The following TFB2M variants were observed in gnomAD, a reference collection of about 807,000 sequenced individuals.
TFB2M encodes transcription factor B2, mitochondrial.
In TFB2M, 44 loss-of-function variants were observed where a neutral mutation model predicts 41.3. That is an observed-to-expected ratio of 1.07 (90% confidence interval 0.84 to 1.37). The LOEUF is 1.37. Ranked by LOEUF, TFB2M falls within the 40% of genes most tolerant of loss-of-function variation. TFB2M has a pLI of 0.00. For missense variants in TFB2M, 496 were observed against 490.2 expected (o/e 1.01, Z -0.11); for synonymous variants, 188 against 176.8 (o/e 1.06, Z -0.50).
intron 6 of TFB2M, among the ~76,000 whole-genome samples, chr1:246,546,109 G>A (rs1659010764): frequency 6.6e-6 from 1 of 151,842 alleles, no homozygotes; most frequent in South Asian, 2.1e-4. Context: ...GAGCCCAAGA[G>A]TTAGCGACCA....
At chr1:246,564,934 C>A (rs1027386308) in intron 1 of TFB2M, among the ~76,000 whole-genome samples, 5 of 152,190 alleles carry the variant, frequency 3.3e-5, no homozygotes, top group Admixed American at 3.3e-4. Flanking sequence ...CTCGCCTCGG[C>A]CTCTGAAAGT....
At chr1:246,546,179 T>C (rs1659014784) in intron 6 of TFB2M, among the ~76,000 whole-genome samples, 1 of 151,648 alleles carries the variant, frequency 6.6e-6, no homozygotes, top group African/African-American at 2.4e-5. Context: ...GGGCGTGGGA[T>C]GCACATCTGT....
chr1:246,547,027 A>G (rs1353340113), intron 6 of TFB2M, among the ~76,000 whole-genome samples: 1 of 140,506 alleles, frequency 7.1e-6, no homozygotes, highest in Non-Finnish European at 1.5e-5. Context: ...TCTGTTATCC[A>G]GGCTGGAGTG....
At chr1:246,551,157 A>C in intron 5 of TFB2M, 56 bp downstream of exon 5, 1 of 1,392,362 alleles carries the variant, frequency 7.2e-7, no homozygotes, top group Non-Finnish European at 1.0e-6. Flanking sequence ...CCTGGGCAAC[A>C]TAATGAGACC....
Position 246,558,046 on chromosome 1 carries a change from C to T in TFB2M, c.403-512G>A, listed in dbSNP as rs190191102. On this transcript the variant is annotated intron_variant, in intron 2 of 7. Coordinates refer to ENST00000366514, the MANE Select transcript of TFB2M (RefSeq NM_022366.3). ...TATTACTAACATACCCAAAATTTAACAGAGGAAGTAAAAATCAATTAATAC... is the reference window on the plus strand; with the variant it reads ...TATTACTAACATACCCAAAATTTAATAGAGGAAGTAAAAATCAATTAATAC... Among the ~76,000 whole-genome samples, 590 of 152,062 alleles carry T rather than the reference C, an allele frequency of 3.9e-3. 4 individuals are homozygous for T. Among genetic ancestry groups the T allele is most frequent in the Middle Eastern group, 6.8e-3 (2 of 294 alleles).
chr1:246,555,752 G>A (rs1207272003), intron 4 of TFB2M, among the ~76,000 whole-genome samples: 1 of 151,814 alleles, frequency 6.6e-6, no homozygotes, highest in African/African-American at 2.4e-5. Context: ...GCAACCAAAT[G>A]TCATTGATAC....
In TFB2M at chr1:246,541,136, T is replaced by G. The variant is rs372642297; in HGVS notation, c.1086A>C (p.Val362=). ...MQIGKQEDEK[V]VNMHPQDFKT... ...TGAAGTCTTGAGGGTGCATGTTAAC[T>G]ACTTTCTCATCCTCCTGTTTTCCTA... is the stretch of plus-strand genomic sequence containing the variant. The change falls in exon 8 of 8, where the codon GTA becomes GTC. Residue 362 remains valine, a synonymous_variant. Transcript: ENST00000366514. 1.1e-4 allele frequency: 181 copies of G among 1,614,052 alleles called. No individual in the cohort carries two copies. Among genetic ancestry groups the G allele is most frequent in the Non-Finnish European group, 1.5e-4 (176 of 1,180,008 alleles).
chr1:246,565,093 A>G (rs1326894617), intron 1 of TFB2M, among the ~76,000 whole-genome samples: 1 of 152,224 alleles, frequency 6.6e-6, no homozygotes, highest in Non-Finnish European at 1.5e-5. Context: ...TGCTTTAACC[A>G]TCAAAGAGAT....
intron 2 of TFB2M, among the ~76,000 whole-genome samples, chr1:246,563,432 C>T (rs544834884): frequency 2.0e-5 from 3 of 152,028 alleles, no homozygotes; most frequent in Non-Finnish European, 2.9e-5. Context: ...GGTGAAACCC[C>T]GTCACTACTA....
At chr1:246,555,163 A>C (rs1295214888) in intron 4 of TFB2M, among the ~76,000 whole-genome samples, 1 of 151,850 alleles carries the variant, frequency 6.6e-6, no homozygotes, top group African/African-American at 2.4e-5. Context: ...CCATTAGGAG[A>C]GGTATTACCA....
chr1:246,546,147 TTTACAA>T (rs1222149503), intron 6 of TFB2M, among the ~76,000 whole-genome samples: 12 of 145,426 alleles, frequency 8.3e-5, no homozygotes, highest in African/African-American at 3.0e-4. Context: ...AGACTCCTTC[TTTACAA>T]ACAAACAAAC....
intron 4 of TFB2M, among the ~76,000 whole-genome samples, chr1:246,555,765 C>T (rs1659304496): frequency 6.6e-6 from 1 of 151,230 alleles, no homozygotes; most frequent in Non-Finnish European, 1.5e-5. Context: ...ATTGATACAT[C>T]AACACACAAA....
chr1:246,548,678 C>T (rs1158353750), intron 5 of TFB2M, 71 bp from the exon 6 acceptor site: 2 of 1,385,992 alleles, frequency 1.4e-6, no homozygotes, highest in East Asian at 4.6e-5. Context: ...GTTATTACTT[C>T]CTTAAAAAAC....
chr1:246,557,431 G>T lies in TFB2M; in HGVS notation c.506C>A (p.Ser169Tyr). ...GGVIKPPAMS[S>Y]RGLFKNLGIE... ...TCCCAAATTCTTAAAGAGCCCTCGA[G>T]AAGACATAGCAGGTGGTTTTATTAC... is the stretch of plus-strand genomic sequence containing the variant. The change falls in exon 3 of 8, where the codon TCT (serine) becomes TAT (tyrosine). Residue 169 changes from serine to tyrosine, a missense_variant. Physicochemically the swap from Ser to Tyr is moderately radical, Grantham distance 144. Transcript: ENST00000366514. 1 of 1,613,620 alleles carries T rather than the reference G, an allele frequency of 6.2e-7. No homozygotes were observed. The highest frequency in any genetic ancestry group is 8.5e-7 in the Non-Finnish European group (1 of 1,179,866).
At chr1:246,543,151 C>T (rs950446499) in intron 7 of TFB2M, among the ~76,000 whole-genome samples, 1 of 152,078 alleles carries the variant, frequency 6.6e-6, no homozygotes, top group Non-Finnish European at 1.5e-5. Context: ...GCATGAACCA[C>T]TGCACCCAGG....
chr1:246,563,558 C>T (rs1241062465), intron 2 of TFB2M, among the ~76,000 whole-genome samples: 4 of 151,188 alleles, frequency 2.6e-5, no homozygotes, highest in African/African-American at 4.9e-5. Flanking sequence ...GAGCCGAGAT[C>T]GCACCATTGC....
At chr1:246,554,323 C>T (rs928799143) in intron 4 of TFB2M, among the ~76,000 whole-genome samples, 2 of 152,148 alleles carry the variant, frequency 1.3e-5, no homozygotes, top group Non-Finnish European at 2.9e-5. Context: ...GATACCAGTC[C>T]GTGTCCTGTT....
rs766621389 is a variant in TFB2M at position 246,544,506 on chromosome 1, A to C, written c.1019+15T>G. Reference sequence around the variant, plus strand: ...TCGTTGCTACTTTATACTTGCTTTTATTCTTTTTACTCACCGTAAGTGGTC... The same window carrying C: ...TCGTTGCTACTTTATACTTGCTTTTCTTCTTTTTACTCACCGTAAGTGGTC... On this transcript the variant is annotated intron_variant, in intron 7 of 7. Coordinates refer to ENST00000366514, the MANE Select transcript of TFB2M (RefSeq NM_022366.3). The C allele has an allele frequency of 1.9e-6, 3 of 1,578,738 alleles. No individual in the cohort carries two copies. Among genetic ancestry groups the C allele is most frequent in the Non-Finnish European group, 8.5e-7 (1 of 1,170,306 alleles).
intron 4 of TFB2M, among the ~76,000 whole-genome samples, chr1:246,555,478 G>T (rs116771362): frequency 6.6e-6 from 1 of 152,164 alleles, no homozygotes; most frequent in East Asian, 1.9e-4. Context: ...GGGCTGAGGC[G>T]GGAAGATCGC....
Sources: allele counts gnomAD v4.1 joint callset (sites outside exome capture counted in the v4.1 genomes callset), GRCh38; gene constraint gnomAD v4.1.1; transcripts MANE v1.5; gene names NCBI Gene and HGNC (gene_info 2026-07-23, HGNC 2026-07-21).